STIM1: variants seen among roughly 807,000 people sequenced by gnomAD.
The protein encoded by STIM1 is stromal interaction molecule 1.
A neutral mutation model predicts 74.7 loss-of-function variants in STIM1; 25 were observed. That is an observed-to-expected ratio of 0.33 (90% CI 0.24 to 0.47). STIM1 has a LOEUF of 0.47. Ranked by LOEUF, STIM1 falls within the 20% of genes least tolerant of loss-of-function variation. The probability of loss-of-function intolerance (pLI) is 1.00; values close to 1 mark genes in which losing one functional copy is unlikely to be tolerated. For missense variants in STIM1, 728 were observed against 920.8 expected (o/e 0.79, Z 2.71); for synonymous variants, 328 against 348.8 (o/e 0.94, Z 0.66).
intron 1 of STIM1, among the ~76,000 whole-genome samples, chr11:3,900,494 C>T (rs2092320109): frequency 6.6e-6 from 1 of 152,248 alleles, no homozygotes; most frequent in African/African-American, 2.4e-5. Context: ...CGGTACCTCA[C>T]ATGGAAATGC....
At chr11:4,005,038 A>G (rs1014244000) in intron 2 of STIM1, among the ~76,000 whole-genome samples, 14 of 152,246 alleles carry the variant, frequency 9.2e-5, no homozygotes, top group African/African-American at 3.4e-4. Context: ...ATGAGATAGC[A>G]TCTCACACCA....
chr11:4,042,997 C>T (rs185340817), intron 3 of STIM1, among the ~76,000 whole-genome samples: 7 of 152,060 alleles, frequency 4.6e-5, no homozygotes, highest in African/African-American at 7.2e-5. Context: ...CAGAATAGAA[C>T]GAAATAAATG....
At position 3,967,573 on chromosome 11, in the gene STIM1, C is replaced by T; in HGVS notation, c.161C>T (p.Pro54Leu). The change falls in exon 2 of 13, where the codon CCC becomes CTC. Residue 54 changes from proline (P) to leucine (L), a missense_variant. By Grantham distance (98) the Pro-to-Leu change is moderately conservative. Around this residue, in one of 5 missense-constraint regions of STIM1, gnomAD observed 51 missense variants for 101.1 expected, o/e 0.50. Coordinates refer to ENST00000526596, the MANE Select transcript of STIM1 (RefSeq NM_001382567.1). ...ACAGAGTTTTGCCGAATTGACAAGCCCCTGTGTCACAGTGAGGATGAGAAA... is the reference window on the plus strand; with the variant it reads ...ACAGAGTTTTGCCGAATTGACAAGCTCCTGTGTCACAGTGAGGATGAGAAA... Reference protein sequence around the residue: ...TAAEFCRIDKPLCHSEDEKLS... With the variant: ...TAAEFCRIDKLLCHSEDEKLS... 1 of 1,614,086 alleles carries T rather than the reference C, an allele frequency of 6.2e-7. No individual in the cohort carries two copies. Among genetic ancestry groups the T allele is most frequent in the South Asian group, 1.1e-5 (1 of 91,062 alleles).
chr11:4,059,681 T>C lies in STIM1; in HGVS notation c.613+285T>C, dbSNP rs564475590. Among the ~76,000 whole-genome samples the C allele has an allele frequency of 6.6e-5, 10 of 152,282 alleles. No homozygotes were observed. In the South Asian group the frequency reaches 2.1e-3, roughly 32 times the overall value. Reference sequence around the variant, plus strand: ...CATGTTCTGCCCTGAAGGGACAACATGAGTGTTCTGTAGAGGTACACAGTA... The same window carrying C: ...CATGTTCTGCCCTGAAGGGACAACACGAGTGTTCTGTAGAGGTACACAGTA... On this transcript the variant is annotated intron_variant, in intron 5 of 12. Transcript: ENST00000526596.
intron 1 of STIM1, among the ~76,000 whole-genome samples, chr11:3,862,595 G>C (rs2090661592): frequency 6.6e-6 from 1 of 152,054 alleles, no homozygotes; most frequent in African/African-American, 2.4e-5. Context: ...ACTGCATATT[G>C]GCCATCACAC....
At chr11:4,036,992 A>G (rs1052851785) in intron 3 of STIM1, among the ~76,000 whole-genome samples, 7 of 152,140 alleles carry the variant, frequency 4.6e-5, no homozygotes, top group Non-Finnish European at 7.4e-5. Context: ...GTATTGTTCA[A>G]GTCTACATAT....
intron 4 of STIM1, among the ~76,000 whole-genome samples, chr11:4,057,869 CAAAA>C (rs530122383): frequency 1.7e-5 from 1 of 58,598 alleles, no homozygotes. Flanking sequence ...GACTCCGTCT[CAAAA>C]AAAAAAAAAA....
intron 1 of STIM1, among the ~76,000 whole-genome samples, chr11:3,871,479 A>C (rs748006245): frequency 6.6e-6 from 1 of 152,114 alleles, no homozygotes; most frequent in African/African-American, 2.4e-5. Context: ...GGCTGTGGTT[A>C]TGTCAGCTCT....
intron 2 of STIM1, among the ~76,000 whole-genome samples, chr11:4,007,553 G>A (rs1381560547): frequency 1.3e-5 from 2 of 152,128 alleles, no homozygotes; most frequent in Non-Finnish European, 2.9e-5. Context: ...ATATGGTTTG[G>A]CAGGGGAGAT....
chr11:3,989,562 G>T, intron 2 of STIM1: 1 of 531,480 alleles, frequency 1.9e-6, no homozygotes, highest in Non-Finnish European at 3.5e-6. Context: ...TCCTCCCGCC[G>T]CCCGAGCTGC....
chr11:3,997,068 A>AT (rs1420646804), intron 2 of STIM1, among the ~76,000 whole-genome samples: 7 of 152,152 alleles, frequency 4.6e-5, no homozygotes, highest in Non-Finnish European at 8.8e-5. Context: ...AAGACTGGAG[A>AT]TGTTAGAGTT....
chr11:3,956,749 AAAGGTAG>A (rs1171506130), intron 1 of STIM1, among the ~76,000 whole-genome samples: 1 of 148,342 alleles, frequency 6.7e-6, no homozygotes, highest in African/African-American at 2.5e-5. Context: ...CTTGAACTCA[AAAGGTAG>A]AGGCTGCAGT....
At chr11:3,866,601 A>G (rs2090866857) in intron 1 of STIM1, among the ~76,000 whole-genome samples, 1 of 151,880 alleles carries the variant, frequency 6.6e-6, no homozygotes, top group Admixed American at 6.6e-5. Context: ...TAATTTTTGT[A>G]TATTTAGTAG....
chr11:3,913,219 T>C (rs985140252), intron 1 of STIM1, among the ~76,000 whole-genome samples: 2 of 152,072 alleles, frequency 1.3e-5, no homozygotes. Context: ...GGACAGGGTC[T>C]TGCTGTCGCC....
intron 1 of STIM1, among the ~76,000 whole-genome samples, chr11:3,905,900 G>T (rs911896022): frequency 2.6e-5 from 4 of 152,200 alleles, no homozygotes; most frequent in Non-Finnish European, 5.9e-5. Context: ...GTAGAGTTCT[G>T]GGGCTAGTGC....
intron 1 of STIM1, among the ~76,000 whole-genome samples, chr11:3,913,255 A>G (rs758852285): frequency 6.6e-5 from 10 of 151,294 alleles, no homozygotes; most frequent in Non-Finnish European, 1.2e-4. Flanking sequence ...TGGTGTCATC[A>G]CCACTCACTG....
chr11:4,080,270 C>T (rs1453204666), intron 7 of STIM1, among the ~76,000 whole-genome samples: 1 of 151,922 alleles, frequency 6.6e-6, no homozygotes, highest in African/African-American at 2.4e-5. Context: ...TAAAAAAGTT[C>T]CCCATGTGTT....
At position 3,932,666 on chromosome 11, in the gene STIM1, G is replaced by GA. The variant is rs57059104; in HGVS notation, c.140-34866dup. Among the ~76,000 whole-genome samples, 596 of 86,890 alleles carry GA rather than the reference G, an allele frequency of 6.9e-3. 3 individuals are homozygous for GA. Among genetic ancestry groups the GA allele is most frequent in the African/African-American group, 0.019 (428 of 22,694 alleles). 57.0% of individuals were successfully genotyped at this position (86,890 alleles called of 152,430 possible). A position where few individuals can be genotyped will look rare whatever the true frequency, so the allele number is the denominator to read the frequency against. On this transcript the variant is annotated intron_variant, in intron 1 of 12. Transcript: ENST00000526596. ...AAGAGTGCAAGACTCTGTCTCAAAG[G>GA]AAAAAAAAAAAAAAAAAAAAGAAAA...
Position 3,969,238 on chromosome 11 carries a change from A to T in STIM1, c.270+1556A>T, listed in dbSNP as rs149418509. On this transcript the variant is annotated intron_variant, in intron 2 of 12. Coordinates refer to ENST00000526596, the MANE Select transcript of STIM1 (RefSeq NM_001382567.1). ...GGTGGCTCATGCCTGTAATCCCAGC[A>T]CTTCGGGAGGCCAAGGCAGGAGGAT... 4.1e-3 allele frequency among the ~76,000 whole-genome samples: 626 copies of T among 152,060 alleles called. 6 individuals are homozygous for T. The highest frequency in any genetic ancestry group is 0.014 in the African/African-American group (600 of 41,470).
Sources: gnomAD v4.1 joint callset for allele counts (sites outside exome capture counted in the v4.1 genomes callset) on GRCh38, gnomAD v4.1.1 for gene constraint, gnomAD v4.1.1 regional missense constraint, MANE v1.5 for transcripts, NCBI Gene and HGNC (gene_info 2026-07-23, HGNC 2026-07-21) for gene names.